The following PLCD1 variants were observed in gnomAD, a reference collection of about 807,000 sequenced individuals.
PLCD1 encodes the protein phospholipase C delta 1.
A neutral mutation model predicts 87.4 loss-of-function variants in PLCD1; 71 were observed. That is an observed-to-expected ratio of 0.81 (90% confidence interval 0.67 to 0.99). The LOEUF (loss-of-function observed/expected upper bound fraction) is 0.99, where lower values mean the gene tolerates loss of function less well. Among genes scored for constraint, PLCD1 ranks in the 50% least tolerant of loss-of-function variants. The pLI, the probability that PLCD1 is intolerant of heterozygous loss-of-function variation, is 0.00. For missense variants in PLCD1, 867 were observed against 1,001.5 expected (o/e 0.87, Z 1.81); for synonymous variants, 348 against 399.2 (o/e 0.87, Z 1.53).
At chr3:38,015,060 G>T (rs1473885973) in intron 3 of PLCD1, among the ~76,000 whole-genome samples, 1 of 152,150 alleles carries the variant, frequency 6.6e-6, no homozygotes, top group Non-Finnish European at 1.5e-5. Flanking sequence ...TTCTCAAAAG[G>T]TTAAACATAG....
chr3:38,027,099 G>A (rs1224160806), intron 1 of PLCD1, among the ~76,000 whole-genome samples: 1 of 152,218 alleles, frequency 6.6e-6, no homozygotes, highest in African/African-American at 2.4e-5. Flanking sequence ...CCAGAATAAA[G>A]AGTGGAAGAA....
At chr3:38,024,449 C>G in intron 1 of PLCD1, 1 of 1,606,692 alleles carries the variant, frequency 6.2e-7, no homozygotes, top group South Asian at 1.1e-5. Flanking sequence ...TCCACAGTGC[C>G]CCTGCCTGCG....
intron 1 of PLCD1, 87 bp from the exon 2 acceptor site, chr3:38,020,439 C>G: frequency 7.9e-7 from 1 of 1,267,738 alleles, no homozygotes; most frequent in Non-Finnish European, 1.1e-6. Context: ...CACCTCGACC[C>G]TCTCAGAGCC....
At chr3:38,023,122 G>A (rs967315523) in intron 1 of PLCD1, among the ~76,000 whole-genome samples, 9 of 152,036 alleles carry the variant, frequency 5.9e-5, no homozygotes, top group Non-Finnish European at 1.5e-5. Context: ...GTGGGAAGCT[G>A]AGGGAGGTGC....
Position 38,016,546 on chromosome 3 carries a change from G to A in PLCD1, c.373C>T (p.Leu125=). The change falls in exon 3 of 15, where the codon CTG becomes TTG. Residue 125 remains leucine (L), a synonymous_variant. Coordinates refer to ENST00000334661, the MANE Select transcript of PLCD1 (RefSeq NM_006225.4). ...PADAQHWVLG[L]HKIIHHSGSM... ...CCTGAGTGGTGGATGATCTTGTGCA[G>A]CCCCAGCACCCAGTGCTGGGCATCA... 10 of 1,613,968 alleles carry A rather than the reference G, an allele frequency of 6.2e-6. No homozygotes were observed. Among genetic ancestry groups the A allele is most frequent in the Non-Finnish European group, 8.5e-6 (10 of 1,179,882 alleles).
At chr3:38,015,368 C>A (rs1700139707) in intron 3 of PLCD1, among the ~76,000 whole-genome samples, 2 of 152,108 alleles carry the variant, frequency 1.3e-5, no homozygotes, top group South Asian at 4.2e-4. Flanking sequence ...CTGTAACATG[C>A]CCAGAACAGG....
chr3:38,010,286 G>A lies in PLCD1; in HGVS notation c.993-11C>T. ...CCTTTGCACAGTGCCCTGCGGGGAG[G>A]GTGGTGGCTAGGACCCTCCAGGTCC... On this transcript the variant is annotated splice_polypyrimidine_tract_variant and intron_variant, in intron 6 of 14. Coordinates refer to ENST00000334661, the MANE Select transcript of PLCD1 (RefSeq NM_006225.4). 6.2e-7 allele frequency: 1 copy of A among 1,614,214 alleles called. No homozygotes were observed. The highest frequency in any genetic ancestry group is 8.5e-7 in the Non-Finnish European group (1 of 1,180,022).
In PLCD1 at chr3:38,016,562, C is replaced by G; in HGVS notation, c.357G>C (p.Gln119His). 2 of 1,614,082 alleles carry G rather than the reference C, an allele frequency of 1.2e-6. No homozygotes were observed. The highest frequency in any genetic ancestry group is 1.6e-4 in the Middle Eastern group (1 of 6,062). Reference sequence around the variant, plus strand: ...TCTTGTGCAGCCCCAGCACCCAGTGCTGGGCATCAGCTGGCGATGGGGCGA... The same window carrying G: ...TCTTGTGCAGCCCCAGCACCCAGTGGTGGGCATCAGCTGGCGATGGGGCGA... ...DLIAPSPADA[Q>H]HWVLGLHKII... The change falls in exon 3 of 15, where the codon CAG becomes CAC. Residue 119 changes from glutamine to histidine, a missense_variant. By Grantham distance (24) the Gln-to-His change is conservative. Coordinates refer to ENST00000334661, the MANE Select transcript of PLCD1 (RefSeq NM_006225.4).
rs1700172603 is a variant in PLCD1, at chr3:38,017,281, C to G, written c.200-562G>C. Among the ~76,000 whole-genome samples the G allele has an allele frequency of 6.6e-6, 1 of 152,172 alleles. No individual in the cohort carries two copies. The highest frequency in any genetic ancestry group is 1.5e-5 in the Non-Finnish European group (1 of 68,010). ...GAACCACCCTCAGTTAGCCCCAGCC[C>G]TGGGGTCTATGGGCAGAGGGCCGAA... is the stretch of plus-strand genomic sequence containing the variant. On this transcript the variant is annotated intron_variant, in intron 2 of 14. Coordinates refer to ENST00000334661, the MANE Select transcript of PLCD1 (RefSeq NM_006225.4). This position sits in a 1 kb window ranked among gnomAD's most constrained non-coding sequence, Gnocchi z 4.7.
intron 2 of PLCD1, among the ~76,000 whole-genome samples, chr3:38,019,733 T>C (rs1017531975): frequency 2.6e-5 from 4 of 152,150 alleles, no homozygotes; most frequent in Non-Finnish European, 4.4e-5. Context: ...ACACCCCTCC[T>C]GTGGCTCCAG....
At chr3:38,023,158 G>T (rs1195568053) in intron 1 of PLCD1, among the ~76,000 whole-genome samples, 1 of 151,918 alleles carries the variant, frequency 6.6e-6, no homozygotes, top group African/African-American at 2.4e-5. Context: ...TATACCAAGG[G>T]TGATGCATAA....
At chr3:38,019,049 C>T (rs1207729180) in intron 2 of PLCD1, 2 of 152,308 alleles carry the variant, frequency 1.3e-5, no homozygotes, top group Non-Finnish European at 2.9e-5. Flanking sequence ...CAAGGCAGAC[C>T]CTTCCTGGGT....
intron 11 of PLCD1, chr3:38,008,837 G>A (rs1700013482): frequency 1.5e-6 from 1 of 664,842 alleles, no homozygotes; most frequent in Admixed American, 2.4e-5. Flanking sequence ...AGAATTCAAA[G>A]GACTAGTGTG....
At chr3:38,009,877 C>T in intron 8 of PLCD1, 27 bp downstream of exon 8, 1 of 1,598,656 alleles carries the variant, frequency 6.3e-7, no homozygotes, top group Non-Finnish European at 8.5e-7. Flanking sequence ...CACCCTCCCC[C>T]AGGGATCCCC....
chr3:38,008,586 G>A lies in PLCD1; in HGVS notation c.1774C>T (p.Arg592Cys), dbSNP rs781623633. The A allele has an allele frequency of 2.7e-5, 44 of 1,614,088 alleles. No homozygotes were observed. Among genetic ancestry groups the A allele is most frequent in the Middle Eastern group, 1.6e-4 (1 of 6,072 alleles). The change falls in exon 12 of 15, where the codon CGC (arginine) becomes TGC (cysteine). Residue 592 changes from arginine to cysteine, a missense_variant. Coordinates refer to ENST00000334661, the MANE Select transcript of PLCD1 (RefSeq NM_006225.4). ...CCACAGGCCCCGTTGTCCTGGAAGCGGCCCTGGTACACGTCCATCTCTGGC... is the reference window on the plus strand; with the variant it reads ...CCACAGGCCCCGTTGTCCTGGAAGCAGCCCTGGTACACGTCCATCTCTGGC... ...PGPEMDVYQG[R>C]FQDNGACGYV... is the part of the protein sequence containing the mutation.
In PLCD1 at chr3:38,017,763, G is replaced by T. The variant is rs62240660; in HGVS notation, c.200-1044C>A. Reference sequence around the variant, plus strand: ...CTCCCTGTGCCCACCCACTCTGAGTGCCCAGGGGCCTCCTAGCCACCTGCA... The same window carrying T: ...CTCCCTGTGCCCACCCACTCTGAGTTCCCAGGGGCCTCCTAGCCACCTGCA... On this transcript the variant is annotated intron_variant, in intron 2 of 14. Coordinates refer to ENST00000334661, the MANE Select transcript of PLCD1 (RefSeq NM_006225.4). The surrounding 1 kb of genome is among the most constrained non-coding windows in gnomAD (Gnocchi z 4.7). 1.3e-3 allele frequency among the ~76,000 whole-genome samples: 205 copies of T among 152,302 alleles called. 1 individual carries two copies. Among genetic ancestry groups the T allele is most frequent in the Admixed American group, 4.6e-3 (71 of 15,302 alleles).
Position 38,011,612 on chromosome 3 carries a change from C to A in PLCD1, c.490G>T (p.Glu164Ter), listed in dbSNP as rs1700079333. ...AGCTCCTTCAGGAAGTTCTGCAGCT[C>A]CTTGAAGCTCATCTTGTTGTCCTTG... ...KNKDNKMSFK[E>*]LQNFLKELNI... The change falls in exon 4 of 15, where the codon GAG (glutamate) becomes TAG (stop). Residue 164 changes from glutamate (E) to a stop codon, truncating the protein, a stop_gained. Coordinates refer to ENST00000334661, the MANE Select transcript of PLCD1 (RefSeq NM_006225.4). LOFTEE classifies it high-confidence loss of function. The A allele has an allele frequency of 1.2e-5, 19 of 1,613,968 alleles. No individual in the cohort carries two copies. The highest frequency in any genetic ancestry group is 1.6e-5 in the Non-Finnish European group (19 of 1,179,924).
intron 2 of PLCD1, among the ~76,000 whole-genome samples, chr3:38,019,587 T>A (rs1401951746): frequency 6.6e-6 from 1 of 152,128 alleles, no homozygotes; most frequent in Non-Finnish European, 1.5e-5. Context: ...CCTGAGGCCT[T>A]GCAGGAGGCT....
At chr3:38,028,004 T>C (rs1350021414) in intron 1 of PLCD1, among the ~76,000 whole-genome samples, 1 of 152,206 alleles carries the variant, frequency 6.6e-6, no homozygotes, top group African/African-American at 2.4e-5. Flanking sequence ...GCCAAGCCTA[T>C]GCCACAGGAC....
Sources: allele counts gnomAD v4.1 joint callset (sites outside exome capture counted in the v4.1 genomes callset), GRCh38; gene constraint gnomAD v4.1.1; non-coding constraint Gnocchi (gnomAD v3.1); transcripts MANE v1.5; gene names NCBI Gene and HGNC (gene_info 2026-07-23, HGNC 2026-07-21).